Variants in SHOC1 observed in about 807,000 individuals in gnomAD.
SHOC1 encodes the protein shortage in chiasmata 1.
Under a neutral mutation model 179.2 loss-of-function variants are expected in SHOC1, and 136 were observed. The ratio of observed to expected loss-of-function variants is 0.76; its 90% CI spans 0.66 to 0.87. The LOEUF (loss-of-function observed/expected upper bound fraction) is 0.87, where lower values mean the gene tolerates loss of function less well. Among genes scored for constraint, SHOC1 ranks in the 40% least tolerant of loss-of-function variants. The pLI, the probability that SHOC1 is intolerant of heterozygous loss-of-function variation, is 0.00. For synonymous variants in SHOC1, 489 were observed against 586.6 expected (o/e 0.83, Z 2.41); for missense variants, 1,538 against 1,700.8 (o/e 0.90, Z 1.68).
intron 5 of SHOC1, among the ~76,000 whole-genome samples, chr9:111,775,216 A>C (rs1374872367): frequency 6.6e-6 from 1 of 151,954 alleles, no homozygotes; most frequent in Non-Finnish European, 1.5e-5. Context: ...GCTGGTCTCA[A>C]ACTCTTGACC....
At position 111,692,434 on chromosome 9, in the gene SHOC1, C is replaced by G; in HGVS notation, c.3543G>C (p.Gln1181His). The G allele has an allele frequency of 6.2e-7, 1 of 1,610,958 alleles. No individual in the cohort carries two copies. The highest frequency in any genetic ancestry group is 8.5e-7 in the Non-Finnish European group (1 of 1,178,782). ...ITKSPQISSP[Q>H]ENRNQISTLS... ...AGGTACTAATCTGATTCCTATTTTC[C>G]TGAGGTGACGAAATTTGCGGTGATT... The change falls in exon 27 of 28, where the codon CAG (glutamine) becomes CAC (histidine). Residue 1181 changes from glutamine (Q) to histidine (H), a missense_variant. Coordinates refer to ENST00000682961, the MANE Select transcript of SHOC1 (RefSeq NM_001378211.1).
Position 111,693,971 on chromosome 9 carries a change from ATCAG to A in SHOC1, c.3316-27_3316-24del. The stretch of plus-strand genomic sequence containing the variant: ...TTCCTAGAAAAGAGTTTAAGAAATA[ATCAG>A]TCAGTAGTCTTTTGAAAGTGAGCCA... On this transcript the variant is annotated intron_variant, in intron 25 of 27. Transcript: ENST00000682961. 1.3e-6 allele frequency: 2 copies of A among 1,577,340 alleles called. 1 individual carries two copies. The highest frequency in any genetic ancestry group is 2.3e-5 in the South Asian group (2 of 88,762).
chr9:111,780,494 G>A (rs1431541982), intron 4 of SHOC1, among the ~76,000 whole-genome samples: 6 of 152,054 alleles, frequency 3.9e-5, no homozygotes, highest in African/African-American at 1.4e-4. Context: ...GTTTTCTTGT[G>A]TTCTTTGAAG....
At position 111,781,750 on chromosome 9, in the gene SHOC1, A is replaced by AAATTAATTAATTAATT. The variant is rs1554724111; in HGVS notation, c.170-734_170-733insAATTAATTAATTAATT. Among the ~76,000 whole-genome samples, 214 of 151,000 alleles carry AAATTAATTAATTAATT rather than the reference A, an allele frequency of 1.4e-3. 1 individual carries two copies. Among genetic ancestry groups the AAATTAATTAATTAATT allele is most frequent in the Admixed American group, 2.7e-3 (41 of 15,178 alleles). ...TAAATAAATAAATAAATAAATAAATAAATTTGTATGTGTACATAGCTTATC... is the reference window on the plus strand; with the variant it reads ...TAAATAAATAAATAAATAAATAAATAAATTAATTAATTAATTAATTTGTATGTGTACATAGCTTATC... On this transcript the variant is annotated intron_variant, in intron 3 of 27. Transcript: ENST00000682961.
chr9:111,789,142 C>T (rs925365119), intron 2 of SHOC1, among the ~76,000 whole-genome samples: 1 of 52,214 alleles, frequency 1.9e-5, no homozygotes, highest in Non-Finnish European at 3.8e-5. Context: ...TTGCATTATT[C>T]TCAAGACTTT....
chr9:111,700,219 A>G (rs1004730507), intron 23 of SHOC1, among the ~76,000 whole-genome samples, 172 bp from the exon 24 acceptor site: 2 of 151,954 alleles, frequency 1.3e-5, no homozygotes, highest in African/African-American at 4.8e-5. Flanking sequence ...TTGAAAAAAC[A>G]TCTCCATCTC....
At position 111,738,208 on chromosome 9, in the gene SHOC1, G is replaced by A. The variant is rs759184358; in HGVS notation, c.1417+72C>T. 77 of 1,375,456 alleles carry A rather than the reference G, an allele frequency of 5.6e-5. No individual in the cohort carries two copies. In the Middle Eastern group the frequency reaches 8.4e-4, roughly 15 times the overall value. The allele number at this position is 1,375,456 out of a possible 1,614,324, so 85.2% of individuals were successfully genotyped here. A position where few individuals can be genotyped will look rare whatever the true frequency, so the allele number is the denominator to read the frequency against. On this transcript the variant is annotated intron_variant, in intron 12 of 27. Transcript: ENST00000682961. Reference sequence around the variant, plus strand: ...CTAGTGATTTTCCCAATTACCTAGAGGAAATCCAGAATCTAACATTTTCAC... The same window carrying A: ...CTAGTGATTTTCCCAATTACCTAGAAGAAATCCAGAATCTAACATTTTCAC...
At chr9:111,788,064 C>CT (rs35764341) in intron 2 of SHOC1, among the ~76,000 whole-genome samples, 4,880 of 122,706 alleles carry the variant, frequency 0.04, 458 homozygotes, top group African/African-American at 0.12. Flanking sequence ...ATAAACATAA[C>CT]TTTTTTTTTT....
At chr9:111,765,777 G>A (rs78036786) in intron 5 of SHOC1, among the ~76,000 whole-genome samples, 4,868 of 151,276 alleles carry the variant, frequency 0.032, 128 homozygotes, top group East Asian at 0.14. Context: ...GCAGTGGCAC[G>A]ATCTCGGCTC....
chr9:111,774,751 A>G (rs1835765793), intron 5 of SHOC1, among the ~76,000 whole-genome samples: 1 of 152,078 alleles, frequency 6.6e-6, no homozygotes, highest in Admixed American at 6.6e-5. Flanking sequence ...TTTATACATA[A>G]TTTATATATC....
rs748220846 is a variant in SHOC1 at position 111,694,317 on chromosome 9, G to A, written c.3229C>T (p.Gln1077Ter). 1.9e-6 allele frequency: 3 copies of A among 1,611,444 alleles called. No individual in the cohort carries two copies. In the South Asian group the frequency reaches 3.3e-5, roughly 18 times the overall value. ...GVEATALIIR[Q>*]IADHSLMTSK... ...GTCATTAAACTGTGGTCAGCAATTT[G>A]TCGAATTATCAAGGCAGTTGCTTCT... is the stretch of plus-strand genomic sequence containing the variant. The change falls in exon 25 of 28, where the codon CAA becomes TAA. Residue 1077 changes from glutamine (Q) to a stop codon, truncating the protein, a stop_gained. Coordinates refer to ENST00000682961, the MANE Select transcript of SHOC1 (RefSeq NM_001378211.1). LOFTEE classifies it high-confidence loss of function.
At chr9:111,716,598 C>T (rs1422060764) in intron 16 of SHOC1, among the ~76,000 whole-genome samples, 1 of 151,982 alleles carries the variant, frequency 6.6e-6, no homozygotes, top group Non-Finnish European at 1.5e-5. Flanking sequence ...ACCATGTTGG[C>T]CAGGCTGGTT....
At chr9:111,749,673 C>T (rs932386031) in intron 8 of SHOC1, among the ~76,000 whole-genome samples, 4 of 152,102 alleles carry the variant, frequency 2.6e-5, no homozygotes, top group African/African-American at 9.7e-5. Flanking sequence ...TCTTCCTCCC[C>T]CTACATCACC....
chr9:111,732,428 G>C (rs1242278105), intron 12 of SHOC1, among the ~76,000 whole-genome samples: 1 of 152,012 alleles, frequency 6.6e-6, no homozygotes, highest in Non-Finnish European at 1.5e-5. Context: ...AAAATTTAAA[G>C]AGAGAAATAA....
intron 14 of SHOC1, among the ~76,000 whole-genome samples, chr9:111,723,034 C>T (rs1325405877): frequency 6.6e-6 from 1 of 152,132 alleles, no homozygotes; most frequent in Non-Finnish European, 1.5e-5. Flanking sequence ...CCCACCTCGG[C>T]CTCCCAAAGT....
Position 111,691,708 on chromosome 9 carries a change from T to A in SHOC1, c.4269A>T (p.Pro1423=). The A allele has an allele frequency of 6.2e-7, 1 of 1,614,036 alleles. No homozygotes were observed. The highest frequency in any genetic ancestry group is 1.1e-5 in the South Asian group (1 of 91,080). The change falls in exon 27 of 28, where the codon CCA becomes CCT. Residue 1423 remains proline (P), a synonymous_variant. Transcript: ENST00000682961. ...GAAATAAATCCAAACTGGGGACAGA[T>A]GGTAATTCTCTCCAGAAAGTCTCAT... ...SKDETFWREL[P]SVPSLDLFRA...
intron 2 of SHOC1, among the ~76,000 whole-genome samples, chr9:111,786,317 C>T (rs1261222545): frequency 6.6e-6 from 1 of 152,064 alleles, no homozygotes; most frequent in African/African-American, 2.4e-5. Flanking sequence ...CGCCTGTGGT[C>T]CCAGCTCCTC....
intron 12 of SHOC1, among the ~76,000 whole-genome samples, chr9:111,733,739 G>A (rs958862643): frequency 1.3e-5 from 2 of 151,936 alleles, no homozygotes; most frequent in Non-Finnish European, 1.5e-5. Flanking sequence ...ACGGTGGCGC[G>A]TGGCTGTAGT....
chr9:111,745,142 G>A (rs542381587), intron 10 of SHOC1, among the ~76,000 whole-genome samples: 5 of 152,316 alleles, frequency 3.3e-5, no homozygotes, highest in Admixed American at 3.3e-4. Context: ...CCATAAGAGA[G>A]CAAGGACTCT....
Sources: gnomAD v4.1 joint callset for allele counts (sites outside exome capture counted in the v4.1 genomes callset) on GRCh38, gnomAD v4.1.1 for gene constraint, MANE v1.5 for transcripts, NCBI Gene and HGNC (gene_info 2026-07-23, HGNC 2026-07-21) for gene names.